Variants in LRP6 observed in about 807,000 individuals in gnomAD.
The protein encoded by LRP6 is LDL receptor related protein 6.
LRP6 carries 43 observed loss-of-function variants against 184.1 expected under a neutral mutation model. That is an observed-to-expected ratio of 0.23 (90% CI 0.18 to 0.30). The LOEUF (loss-of-function observed/expected upper bound fraction) is 0.30, where lower values mean the gene tolerates loss of function less well. LRP6 is among the 10% of genes least tolerant of loss of function. The pLI is 1.00. For missense variants in LRP6, 1,571 were observed against 2,005.3 expected (o/e 0.78, Z 4.14); for synonymous variants, 719 against 684.9 (o/e 1.05, Z -0.78).
At chr12:12,195,224 G>A (rs952547215) in intron 3 of LRP6, among the ~76,000 whole-genome samples, 3 of 152,134 alleles carry the variant, frequency 2.0e-5, no homozygotes, top group Admixed American at 1.3e-4. Context: ...CAAGTAGTGG[G>A]ACTACTGGAT....
At position 12,232,363 on chromosome 12, in the gene LRP6, G is replaced by A. The variant is rs371332954; in HGVS notation, c.449+11899C>T. 2.4e-3 allele frequency among the ~76,000 whole-genome samples: 364 copies of A among 149,544 alleles called. 1 individual carries two copies. Among genetic ancestry groups the A allele is most frequent in the African/African-American group, 8.1e-3 (329 of 40,612 alleles). On this transcript the variant is annotated intron_variant, in intron 2 of 22. Coordinates refer to ENST00000261349, the MANE Select transcript of LRP6 (RefSeq NM_002336.3). ...CGTACCACTGCACTCCAGCCTGGGC[G>A]ACAGAGTGAGACGCTGTCTCAAAAA...
At chr12:12,257,980 A>C (rs1010236171) in intron 1 of LRP6, among the ~76,000 whole-genome samples, 1 of 151,694 alleles carries the variant, frequency 6.6e-6, no homozygotes, top group Non-Finnish European at 1.5e-5. Flanking sequence ...AAAAAAAAAA[A>C]AAAACTAATT....
At chr12:12,227,698 C>T (rs1304555916) in intron 2 of LRP6, among the ~76,000 whole-genome samples, 1 of 152,124 alleles carries the variant, frequency 6.6e-6, no homozygotes, top group Non-Finnish European at 1.5e-5. Context: ...CTTAAGTCAC[C>T]ACACCTGGCC....
intron 9 of LRP6, among the ~76,000 whole-genome samples, chr12:12,163,239 G>A (rs534633893): frequency 3.9e-5 from 6 of 152,148 alleles, no homozygotes; most frequent in South Asian, 2.1e-4. Context: ...GCCTCCCAAA[G>A]TGCTGGGATT....
In LRP6 at chr12:12,125,333, C is replaced by G; in HGVS notation, c.4412G>C (p.Ser1471Thr). Residue 1471 changes from serine to threonine, a missense_variant, in exon 21 of 23, where the codon AGT (serine) becomes ACT (threonine). Ser to Thr is a moderately conservative substitution (Grantham distance 58). Transcript: ENST00000261349. Reference protein sequence around the residue: ...DRAHVTGASSSSSSSTKGTYF... With the variant: ...DRAHVTGASSTSSSSTKGTYF... ...AGTGCCTTTGGTGCTTGAAGAACTACTTGATGATGCTCCTGTAACATGGGC... is the reference window on the plus strand; with the variant it reads ...AGTGCCTTTGGTGCTTGAAGAACTAGTTGATGATGCTCCTGTAACATGGGC... The G allele has an allele frequency of 6.2e-7, 1 of 1,614,068 alleles. No homozygotes were observed. The highest frequency in any genetic ancestry group is 8.5e-7 in the Non-Finnish European group (1 of 1,179,996).
chr12:12,249,471 C>A (rs908724642), intron 1 of LRP6: 12 of 679,386 alleles, frequency 1.8e-5, no homozygotes, highest in African/African-American at 1.6e-4. Flanking sequence ...AGCAATTAAT[C>A]GAAAAGAAAA....
At chr12:12,189,565 G>A (rs917329417) in intron 3 of LRP6, among the ~76,000 whole-genome samples, 1 of 152,076 alleles carries the variant, frequency 6.6e-6, no homozygotes, top group African/African-American at 2.4e-5. Context: ...GCAGTGGTGT[G>A]ATCCTGGCTC....
In LRP6 at chr12:12,138,266, C is replaced by T. The variant is rs562292899; in HGVS notation, c.3607+59G>A. The T allele has an allele frequency of 3.5e-5, 50 of 1,425,890 alleles. No homozygotes were observed. The Admixed American group carries it at 5.9e-4, about 17-fold the overall frequency. The allele number at this position is 1,425,890 out of a possible 1,614,324, so 88.3% of individuals were successfully genotyped here. On this transcript the variant is annotated intron_variant, in intron 16 of 22. Coordinates refer to ENST00000261349, the MANE Select transcript of LRP6 (RefSeq NM_002336.3). The stretch of plus-strand genomic sequence containing the variant: ...CAGAGTTTAAAAATCCACAAAAGTA[C>T]ATATTAATTTATTATAACACATGAT...
At chr12:12,264,495 T>G (rs1865707083) in intron 1 of LRP6, among the ~76,000 whole-genome samples, 1 of 152,204 alleles carries the variant, frequency 6.6e-6, no homozygotes, top group African/African-American at 2.4e-5. Flanking sequence ...CAGTATTCCC[T>G]GGCTTTCTGC....
chr12:12,147,750 T>C (rs899593106), intron 14 of LRP6, among the ~76,000 whole-genome samples, 194 bp from the exon 15 acceptor site: 2 of 152,062 alleles, frequency 1.3e-5, no homozygotes, highest in Non-Finnish European at 2.9e-5. Context: ...GGCGGGGGTA[T>C]TGCTTAAGCT....
At chr12:12,207,733 C>T (rs1286547863) in intron 2 of LRP6, among the ~76,000 whole-genome samples, 1 of 151,986 alleles carries the variant, frequency 6.6e-6, no homozygotes, top group Non-Finnish European at 1.5e-5. Flanking sequence ...TAACGCTACA[C>T]CAGAAAGAAC....
intron 15 of LRP6, among the ~76,000 whole-genome samples, chr12:12,140,704 C>T (rs2160521): frequency 0.18 from 27,721 of 151,214 alleles, 2,663 homozygotes; most frequent in African/African-American, 0.23. Context: ...TCCGGTTTCA[C>T]GTGATTCTCC....
chr12:12,123,876 T>C (rs1219812836), intron 22 of LRP6, among the ~76,000 whole-genome samples: 1 of 152,228 alleles, frequency 6.6e-6, no homozygotes, highest in South Asian at 2.1e-4. Context: ...CTCTCAACTT[T>C]TCTAAAATTC....
chr12:12,193,822 G>A (rs558802663), intron 3 of LRP6, among the ~76,000 whole-genome samples: 1 of 152,038 alleles, frequency 6.6e-6, no homozygotes, highest in East Asian at 1.9e-4. Flanking sequence ...AGAAAACAAA[G>A]AAAGAGGAAA....
At chr12:12,131,523 C>T (rs186454412) in intron 18 of LRP6, among the ~76,000 whole-genome samples, 6 of 152,148 alleles carry the variant, frequency 3.9e-5, no homozygotes, top group South Asian at 2.1e-4. Flanking sequence ...TATGTTAGAG[C>T]GTAATTAATA....
intron 15 of LRP6, among the ~76,000 whole-genome samples, chr12:12,146,948 C>G (rs563913542): frequency 6.6e-4 from 100 of 152,158 alleles, no homozygotes; most frequent in African/African-American, 2.3e-3. Flanking sequence ...GTCAGGAGAT[C>G]GAGACCATCC....
At position 12,203,298 on chromosome 12, in the gene LRP6, T is replaced by G; in HGVS notation, c.552A>C (p.Pro184=). 1 of 1,614,078 alleles carries G rather than the reference T, an allele frequency of 6.2e-7. No individual in the cohort carries two copies. The highest frequency in any genetic ancestry group is 8.5e-7 in the Non-Finnish European group (1 of 1,179,934). The change falls in exon 3 of 23, where the codon CCA becomes CCC. Residue 184 remains proline, a synonymous_variant. Transcript: ENST00000261349. ...CTTCATAATCCAAAGTCAGTCCATTTGGCCAGTAAATTTCACTGTTTATTA... is the reference window on the plus strand; with the variant it reads ...CTTCATAATCCAAAGTCAGTCCATTGGGCCAGTAAATTTCACTGTTTATTA... ...FIIINSEIYW[P]NGLTLDYEEQ...
At chr12:12,184,910 T>C (rs1025112610) in intron 4 of LRP6, among the ~76,000 whole-genome samples, 31 of 151,974 alleles carry the variant, frequency 2.0e-4, no homozygotes, top group African/African-American at 7.3e-4. Context: ...TGGAGACCAA[T>C]GGAACATGAA....
At chr12:12,128,627 A>G (rs915515938) in intron 19 of LRP6, among the ~76,000 whole-genome samples, 1 of 152,342 alleles carries the variant, frequency 6.6e-6, no homozygotes, top group Admixed American at 6.5e-5. Context: ...ACCATAAATA[A>G]AGTCATCTAG....
Sources: allele counts gnomAD v4.1 joint callset (sites outside exome capture counted in the v4.1 genomes callset), GRCh38; gene constraint gnomAD v4.1.1; transcripts MANE v1.5; gene names NCBI Gene and HGNC (gene_info 2026-07-23, HGNC 2026-07-21).